The following NDRG2 variants were observed in gnomAD, a reference collection of about 807,000 sequenced individuals.
NDRG2 encodes NDRG family member 2.
Under a neutral mutation model 58.2 loss-of-function variants are expected in NDRG2, and 34 were observed. The observed-to-expected ratio is 0.58, with a 90% confidence interval of 0.44 to 0.78. NDRG2 has a LOEUF of 0.78. Among genes scored for constraint, NDRG2 ranks in the 30% least tolerant of loss-of-function variants. The pLI is 0.00. For synonymous variants in NDRG2, 187 were observed against 175.9 expected, an observed-to-expected ratio of 1.06 and a Z score of -0.50; for missense variants, 434 against 471.2, an observed-to-expected ratio of 0.92 and a Z score of 0.73.
chr14:21,058,062 T>A, intron 1 of NDRG2: 1 of 1,614,026 alleles, frequency 6.2e-7, no homozygotes, highest in Non-Finnish European at 8.5e-7. Flanking sequence ...ATGAGCATCA[T>A]CAATAAGTAC....
upstream of NDRG2, among the ~76,000 whole-genome samples, chr14:21,026,192 C>T (rs1369466271): frequency 6.6e-6 from 1 of 152,096 alleles, no homozygotes; most frequent in Non-Finnish European, 1.5e-5. Context: ...TCTCCTTGTG[C>T]CCCTCGGAGG....
In NDRG2 at chr14:21,022,460, A is replaced by T; in HGVS notation, c.155T>A (p.Phe52Tyr). Reference sequence around the variant, plus strand: ...GGGTTTGGGGGTGCCATAGACAGTGAAAGTGACAGAGCCGTATGGTGTCTC... The same window carrying T: ...GGGTTTGGGGGTGCCATAGACAGTGTAAGTGACAGAGCCGTATGGTGTCTC... ...SVETPYGSVTFTVYGTPKPKR... is the reference protein window; with the variant it reads ...SVETPYGSVTYTVYGTPKPKR... Residue 52 changes from phenylalanine to tyrosine, a missense_variant, in exon 4 of 16, where the codon TTC (phenylalanine) becomes TAC (tyrosine). By Grantham distance (22) the Phe-to-Tyr change is conservative. Coordinates refer to ENST00000556147, the MANE Select transcript of NDRG2 (RefSeq NM_001320329.2). 1 of 1,614,114 alleles carries T rather than the reference A, an allele frequency of 6.2e-7. No homozygotes were observed. Among genetic ancestry groups the T allele is most frequent in the Non-Finnish European group, 8.5e-7 (1 of 1,180,006 alleles).
In NDRG2 at chr14:21,018,142, G is replaced by A. The variant is rs371540704; in HGVS notation, c.897+62C>T. On this transcript the variant is annotated intron_variant, in intron 14 of 15. Transcript: ENST00000556147. ...GGGGCCGGGTGTGTGGCAAAGGGCA[G>A]AGCCCAGTGCCACCGGTATCCTATG... The A allele has an allele frequency of 6.8e-5, 109 of 1,600,914 alleles. No individual in the cohort carries two copies. In the African/African-American group the frequency reaches 1.4e-3, roughly 20 times the overall value.
intron 1 of NDRG2, among the ~76,000 whole-genome samples, chr14:21,056,326 ATATT>A (rs1400695396): frequency 1.3e-5 from 2 of 152,168 alleles, no homozygotes; most frequent in African/African-American, 4.8e-5. Context: ...CGCTAAATAT[ATATT>A]TACTCATTTA....
intron 1 of NDRG2, chr14:21,033,302 G>A (rs1207562294): frequency 3.2e-6 from 1 of 312,102 alleles, no homozygotes; most frequent in African/African-American, 2.2e-5. Flanking sequence ...GGGGAAGTGA[G>A]GCTAACATGA....
At chr14:21,020,617 G>A (rs761793128) in intron 7 of NDRG2, 35 bp from the exon 8 acceptor site, 157 of 1,605,886 alleles carry the variant, frequency 9.8e-5, no homozygotes, top group Middle Eastern at 5.4e-4. Context: ...ATGAGAAACA[G>A]GGCATGGCCT....
At chr14:21,019,859 C>T (rs1033759677) in intron 9 of NDRG2, 61 bp downstream of exon 9, 5 of 1,579,664 alleles carry the variant, frequency 3.2e-6, no homozygotes, top group African/African-American at 2.7e-5. Context: ...GGAAGTTAGC[C>T]CAAGCATTCA....
At chr14:21,050,604 G>A (rs1885418529) in intron 1 of NDRG2, among the ~76,000 whole-genome samples, 1 of 152,210 alleles carries the variant, frequency 6.6e-6, no homozygotes, top group Non-Finnish European at 1.5e-5. Context: ...ACCTAAAGTA[G>A]TGCCCAATGA....
chr14:21,042,918 A>G (rs964550285), intron 1 of NDRG2: 13 of 1,280,644 alleles, frequency 1.0e-5, no homozygotes, highest in East Asian at 2.5e-5. Flanking sequence ...CAGGTATAAG[A>G]GGACTAATTT....
chr14:21,063,481 G>T (rs1393517206), intron 1 of NDRG2, among the ~76,000 whole-genome samples: 1 of 152,134 alleles, frequency 6.6e-6, no homozygotes, highest in Admixed American at 6.5e-5. Flanking sequence ...TAATTGGGGG[G>T]TCTTATGCGT....
At chr14:21,039,339 T>C (rs1358448139) in intron 1 of NDRG2, among the ~76,000 whole-genome samples, 1 of 152,214 alleles carries the variant, frequency 6.6e-6, no homozygotes, top group Non-Finnish European at 1.5e-5. Context: ...ACTTCGACGA[T>C]AGAATGAGAA....
intron 1 of NDRG2, among the ~76,000 whole-genome samples, chr14:21,069,558 G>A (rs1007779554): frequency 2.0e-5 from 3 of 152,234 alleles, no homozygotes; most frequent in African/African-American, 7.2e-5. Flanking sequence ...TCCCGATCCG[G>A]GAACCCTGCC....
intron 1 of NDRG2, among the ~76,000 whole-genome samples, chr14:21,045,971 G>A (rs889652887): frequency 6.6e-6 from 1 of 152,058 alleles, no homozygotes; most frequent in African/African-American, 2.4e-5. Flanking sequence ...AAAGGCAGCA[G>A]GTGGTCATAA....
At chr14:21,064,554 G>A (rs187528778) in intron 1 of NDRG2, among the ~76,000 whole-genome samples, 4 of 152,150 alleles carry the variant, frequency 2.6e-5, no homozygotes, top group South Asian at 2.1e-4. Flanking sequence ...CGCCCACCTC[G>A]GCCTCCCAAA....
chr14:21,035,556 C>T (rs963343590), intron 1 of NDRG2, among the ~76,000 whole-genome samples: 2 of 152,206 alleles, frequency 1.3e-5, no homozygotes, highest in Non-Finnish European at 2.9e-5. Flanking sequence ...GGGGCCTCCT[C>T]TTAGGAGAGC....
At chr14:21,031,708 A>G (rs1021371693) in intron 1 of NDRG2, among the ~76,000 whole-genome samples, 6 of 152,084 alleles carry the variant, frequency 3.9e-5, no homozygotes, top group African/African-American at 1.4e-4. Flanking sequence ...CTCCCCCATG[A>G]GTGAACGGCT....
chr14:21,019,602 C>A, intron 10 of NDRG2, 37 bp downstream of exon 10: 1 of 1,390,908 alleles, frequency 7.2e-7, no homozygotes, highest in Non-Finnish European at 1.0e-6. Context: ...ACTGCTTCTG[C>A]ATTTCTCTCA....
intron 1 of NDRG2, chr14:21,031,799 A>G (rs1253308818): frequency 7.1e-7 from 1 of 1,406,156 alleles, no homozygotes; most frequent in Non-Finnish European, 9.6e-7. Context: ...AAGAGCTCCA[A>G]GCACTTGTTC....
rs182911950 is a variant in NDRG2, at chr14:21,017,924, C to T, written c.949+63G>A. 239 of 1,613,270 alleles carry T rather than the reference C, an allele frequency of 1.5e-4. 1 individual carries two copies. The East Asian group carries it at 2.1e-3, about 14-fold the overall frequency. ...GGTGAGTCCAGGCATTCACCTAAAA[C>T]GGTTCCACCCCGTCAGTGCCTATCT... On this transcript the variant is annotated intron_variant, in intron 15 of 15. Coordinates refer to ENST00000556147, the MANE Select transcript of NDRG2 (RefSeq NM_001320329.2).
Sources: allele counts gnomAD v4.1 joint callset (sites outside exome capture counted in the v4.1 genomes callset), GRCh38; gene constraint gnomAD v4.1.1; transcripts MANE v1.5; gene names NCBI Gene and HGNC (gene_info 2026-07-23, HGNC 2026-07-21).